Variants in HEATR5B observed in about 807,000 individuals in gnomAD.
HEATR5B encodes the protein HEAT repeat-containing protein 5B.
HEATR5B carries 156 observed loss-of-function variants against 224.1 expected under a neutral mutation model. The observed-to-expected ratio is 0.70, with a 90% CI of 0.61 to 0.80. HEATR5B has a LOEUF of 0.80. HEATR5B is among the 30% of genes least tolerant of loss of function. The pLI, the probability that HEATR5B is intolerant of heterozygous loss-of-function variation, is 0.00. For synonymous variants in HEATR5B, 1,027 were observed against 893.0 expected (o/e 1.15, Z -2.68); for missense variants, 2,323 against 2,535.5 (o/e 0.92, Z 1.80).
At chr2:37,017,209 ACC>A (rs1274243570) in intron 26 of HEATR5B, among the ~76,000 whole-genome samples, 1 of 152,156 alleles carries the variant, frequency 6.6e-6, no homozygotes, top group Non-Finnish European at 1.5e-5. Flanking sequence ...ACACGGTGAA[ACC>A]CCGTCTCTAC....
At chr2:37,079,365 T>G (rs369885221) in intron 2 of HEATR5B, 34 bp from the exon 3 acceptor site, 3 of 1,287,282 alleles carry the variant, frequency 2.3e-6, no homozygotes, top group South Asian at 1.4e-5. Flanking sequence ...AGAACATCAT[T>G]AAAAATTTTT....
intron 7 of HEATR5B, 81 bp from the exon 8 acceptor site, chr2:37,069,011 C>G (rs553078022): frequency 2.7e-5 from 36 of 1,354,130 alleles, no homozygotes; most frequent in Non-Finnish European, 3.3e-5. Flanking sequence ...ACTAAAATAA[C>G]TGATAACAGC....
intron 1 of HEATR5B, among the ~76,000 whole-genome samples, chr2:37,083,910 G>T (rs1038265287): frequency 6.6e-6 from 1 of 152,214 alleles, no homozygotes; most frequent in Non-Finnish European, 1.5e-5. Context: ...CCGAACTGCA[G>T]GTCTCCAAGA....
intron 33 of HEATR5B, among the ~76,000 whole-genome samples, chr2:36,995,210 C>G (rs1157629272): frequency 6.6e-6 from 1 of 151,002 alleles, no homozygotes; most frequent in Non-Finnish European, 1.5e-5. Flanking sequence ...CTGCTTTAGC[C>G]TCCTGAGTAG....
At chr2:36,994,378 A>G (rs1159863455) in intron 33 of HEATR5B, among the ~76,000 whole-genome samples, 2 of 152,244 alleles carry the variant, frequency 1.3e-5, no homozygotes, top group South Asian at 2.1e-4. Flanking sequence ...ACGTTTGTAC[A>G]TGTTCACATG....
At chr2:37,040,862 A>G (rs1458694263) in intron 19 of HEATR5B, among the ~76,000 whole-genome samples, 1 of 152,138 alleles carries the variant, frequency 6.6e-6, no homozygotes, top group African/African-American at 2.4e-5. Context: ...AAATCTAAAG[A>G]AATAAAAAAA....
intron 7 of HEATR5B, 120 bp downstream of exon 7, chr2:37,070,110 G>C: frequency 1.2e-6 from 1 of 858,796 alleles, no homozygotes; most frequent in South Asian, 1.6e-5. Flanking sequence ...ATGTTAGTCA[G>C]GCTGGTCTCA....
intron 33 of HEATR5B, among the ~76,000 whole-genome samples, chr2:36,999,855 C>T (rs115114671): frequency 0.011 from 1,603 of 151,418 alleles, 31 homozygotes; most frequent in African/African-American, 0.036. Context: ...TTATTAAAAA[C>T]GCAAAAATTA....
At chr2:37,040,959 A>C (rs1301045526) in intron 19 of HEATR5B, 174 bp downstream of exon 19, 1 of 568,730 alleles carries the variant, frequency 1.8e-6, no homozygotes, top group Non-Finnish European at 3.1e-6. Flanking sequence ...TTCTCAGAAT[A>C]AGACAGACTT....
At position 37,065,834 on chromosome 2, in the gene HEATR5B, G is replaced by A. The variant is rs1671555018; in HGVS notation, c.1254C>T (p.Val418=). The A allele has an allele frequency of 6.2e-7, 1 of 1,614,010 alleles. No homozygotes were observed. The highest frequency in any genetic ancestry group is 1.1e-5 in the South Asian group (1 of 91,070). ...ADIAASQHVM[V]CALQELGSLV... ...GGCTCCCGAGTTCCTGGAGGGCACA[G>A]ACCATCACATGCTGGCTTGCTGCAA... The change falls in exon 9 of 36, where the codon GTC becomes GTT. Residue 418 remains valine (V), a synonymous_variant. Coordinates refer to ENST00000233099, the MANE Select transcript of HEATR5B (RefSeq NM_019024.3).
intron 21 of HEATR5B, 33 bp from the exon 22 acceptor site, chr2:37,032,806 T>C: frequency 6.3e-7 from 1 of 1,589,010 alleles, no homozygotes; most frequent in Non-Finnish European, 8.6e-7. Flanking sequence ...GCGATTTCTC[T>C]TTAAAAAGCT....
chr2:36,981,603 G>T lies in HEATR5B; in HGVS notation c.6103C>A (p.Leu2035Ile), dbSNP rs550293746. 4.3e-6 allele frequency: 7 copies of T among 1,614,196 alleles called. No individual in the cohort carries two copies. Among genetic ancestry groups the T allele is most frequent in the Non-Finnish European group, 5.9e-6 (7 of 1,180,048 alleles). Reference protein sequence around the residue: ...MGAAPELKVRLETAVRASQAS... With the variant: ...MGAAPELKVRIETAVRASQAS... ...TGGCTTGCTCGAACGGCAGTTTCTA[G>T]ACGCACTTTCAACTCAGGAGCAGCC... Residue 2035 changes from leucine to isoleucine, a missense_variant, in exon 36 of 36, where the codon CTA becomes ATA. Coordinates refer to ENST00000233099, the MANE Select transcript of HEATR5B (RefSeq NM_019024.3).
At chr2:37,053,254 A>C (rs1322501008) in intron 17 of HEATR5B, among the ~76,000 whole-genome samples, 3 of 152,244 alleles carry the variant, frequency 2.0e-5, no homozygotes, top group Non-Finnish European at 4.4e-5. Context: ...ATTCTGAAAG[A>C]ATTTATTGGC....
intron 19 of HEATR5B, 24 bp from the exon 20 acceptor site, chr2:37,040,542 T>G (rs759633893): frequency 2.6e-6 from 4 of 1,554,370 alleles, no homozygotes; most frequent in African/African-American, 2.8e-5. Flanking sequence ...TAATTTCATT[T>G]TAGTTGTAAG....
chr2:37,000,912 ATTG>A, intron 32 of HEATR5B, 99 bp from the exon 33 acceptor site: 2 of 771,618 alleles, frequency 2.6e-6, no homozygotes, highest in Non-Finnish European at 4.1e-6. Flanking sequence ...GTGGTTTAAT[ATTG>A]TTTTTTTCCT....
chr2:37,056,891 C>T lies in HEATR5B; in HGVS notation c.2224-276G>A, dbSNP rs145812841. Among the ~76,000 whole-genome samples the T allele has an allele frequency of 2.0e-4, 30 of 152,212 alleles. No individual in the cohort carries two copies. In the East Asian group the frequency reaches 2.3e-3, roughly 12 times the overall value. The stretch of plus-strand genomic sequence containing the variant: ...GAACAATATACACAAGATCTTAATC[C>T]CACAATTATTTTAAATGGGGCTTTA... On this transcript the variant is annotated intron_variant, in intron 15 of 35. Coordinates refer to ENST00000233099, the MANE Select transcript of HEATR5B (RefSeq NM_019024.3).
intron 18 of HEATR5B, among the ~76,000 whole-genome samples, chr2:37,048,108 G>A (rs1357210346): frequency 6.6e-6 from 1 of 151,622 alleles, no homozygotes; most frequent in African/African-American, 2.4e-5. Context: ...AAATTGGACA[G>A]GTATAAATAA....
At chr2:37,012,992 C>T (rs76793995) in intron 27 of HEATR5B, among the ~76,000 whole-genome samples, 2 of 152,134 alleles carry the variant, frequency 1.3e-5, no homozygotes, top group South Asian at 4.1e-4. Context: ...GCTCAGCAAA[C>T]GTAATATATC....
chr2:37,055,051 C>A (rs1351904496), intron 16 of HEATR5B: 1 of 383,824 alleles, frequency 2.6e-6, no homozygotes, highest in Admixed American at 2.9e-5. Context: ...TTTTGATGTA[C>A]TTTAAAAAAT....
Sources: gnomAD v4.1 joint callset for allele counts (sites outside exome capture counted in the v4.1 genomes callset) on GRCh38, gnomAD v4.1.1 for gene constraint, MANE v1.5 for transcripts, NCBI Gene and HGNC (gene_info 2026-07-23, HGNC 2026-07-21) for gene names.